FAF1: variants seen among roughly 807,000 people sequenced by gnomAD.
FAF1 encodes FAS-associated factor 1.
A neutral mutation model predicts 92.5 loss-of-function variants in FAF1; 25 were observed. That is an observed-to-expected ratio of 0.27 (90% confidence interval 0.20 to 0.38). The LOEUF (loss-of-function observed/expected upper bound fraction) is 0.38, where lower values mean the gene tolerates loss of function less well. FAF1 is among the 10% of genes least tolerant of loss of function. The pLI is 1.00. For synonymous variants in FAF1, 234 were observed against 273.2 expected, an observed-to-expected ratio of 0.86 and a Z score of 1.42; for missense variants, 636 against 793.3, an observed-to-expected ratio of 0.80 and a Z score of 2.38.
intron 2 of FAF1, among the ~76,000 whole-genome samples, chr1:50,826,405 C>G (rs1009153395): frequency 6.6e-6 from 1 of 152,068 alleles, no homozygotes; most frequent in Non-Finnish European, 1.5e-5. Context: ...CAAAAATTAG[C>G]TGGGCACAGT....
chr1:50,738,757 C>T, intron 6 of FAF1, 106 bp downstream of exon 6: 2 of 716,258 alleles, frequency 2.8e-6, no homozygotes, highest in Non-Finnish European at 4.7e-6. Context: ...AGGTCAATTT[C>T]AACAAGACTT....
At chr1:50,533,091 C>T (rs1648267220) in intron 15 of FAF1, among the ~76,000 whole-genome samples, 1 of 152,110 alleles carries the variant, frequency 6.6e-6, no homozygotes, top group Non-Finnish European at 1.5e-5. Context: ...GCTAGGATTA[C>T]AGGTGTGAGC....
chr1:50,584,963 T>G (rs1417641639), intron 9 of FAF1, 152 bp from the exon 10 acceptor site: 4 of 730,196 alleles, frequency 5.5e-6, no homozygotes, highest in Non-Finnish European at 8.6e-6. Context: ...TTTTTCCTTT[T>G]AAGGCTTACA....
intron 18 of FAF1, among the ~76,000 whole-genome samples, chr1:50,464,850 GT>G (rs1269655857): frequency 6.6e-6 from 1 of 152,178 alleles, no homozygotes; most frequent in Non-Finnish European, 1.5e-5. Context: ...CAGCTAACAG[GT>G]GGAAGTGCCA....
chr1:50,904,539 T>C (rs1644820105), intron 1 of FAF1, among the ~76,000 whole-genome samples: 2 of 152,340 alleles, frequency 1.3e-5, no homozygotes, highest in East Asian at 3.9e-4. Flanking sequence ...CTTCATTATG[T>C]ATGCATGTTT....
rs953804103 is a variant in FAF1 at position 50,784,350 on chromosome 1, T to C, written c.367+3650A>G. On this transcript the variant is annotated intron_variant, in intron 4 of 18. Coordinates refer to ENST00000396153, the MANE Select transcript of FAF1 (RefSeq NM_007051.3). ...TAATACAAAATTCATCAATCTTTTA[T>C]AAGATGCAAAATCAACACATAAAAA... Among the ~76,000 whole-genome samples, 9 of 152,250 alleles carry C rather than the reference T, an allele frequency of 5.9e-5. No homozygotes were observed. In the East Asian group the frequency reaches 1.5e-3, roughly 26 times the overall value.
chr1:50,806,707 G>C (rs1426510718), intron 2 of FAF1, among the ~76,000 whole-genome samples: 1 of 152,182 alleles, frequency 6.6e-6, no homozygotes, highest in African/African-American at 2.4e-5. Context: ...AGACAAGAAT[G>C]CCGGGGGCCT....
At chr1:50,564,582 G>A (rs932945939) in intron 13 of FAF1, among the ~76,000 whole-genome samples, 47 of 152,090 alleles carry the variant, frequency 3.1e-4, no homozygotes, top group African/African-American at 1.1e-3. Context: ...GAGAGTGAAA[G>A]CTTGAGGTTT....
chr1:50,570,109 G>A (rs1385929768), intron 12 of FAF1, among the ~76,000 whole-genome samples: 5 of 152,136 alleles, frequency 3.3e-5, no homozygotes, highest in Admixed American at 2.6e-4. Flanking sequence ...GGGCAAAGAT[G>A]TGTTTACTCA....
chr1:50,703,005 T>TAA (rs201118983), intron 7 of FAF1, among the ~76,000 whole-genome samples: 1 of 151,308 alleles, frequency 6.6e-6, no homozygotes, highest in East Asian at 1.9e-4. Flanking sequence ...TTTCAAAAAT[T>TAA]AAAAAAAATA....
At chr1:50,561,146 A>T (rs533809818) in intron 13 of FAF1, among the ~76,000 whole-genome samples, 20 of 152,142 alleles carry the variant, frequency 1.3e-4, no homozygotes, top group Non-Finnish European at 2.6e-4. Flanking sequence ...GAGGCCAATT[A>T]CTTCTGGGGT....
intron 3 of FAF1, among the ~76,000 whole-genome samples, chr1:50,791,701 T>C (rs1661570251): frequency 6.6e-6 from 1 of 152,226 alleles, no homozygotes; most frequent in African/African-American, 2.4e-5. Context: ...CATGATTCTG[T>C]TAACCCCTCT....
chr1:50,564,239 G>A (rs1373014580), intron 13 of FAF1, among the ~76,000 whole-genome samples: 1 of 141,320 alleles, frequency 7.1e-6, no homozygotes, highest in South Asian at 2.1e-4. Flanking sequence ...GGTAGTCCTA[G>A]GAAACCACTA....
chr1:50,745,904 CAAG>C (rs1214180781), intron 4 of FAF1, among the ~76,000 whole-genome samples: 1 of 151,880 alleles, frequency 6.6e-6, no homozygotes, highest in African/African-American at 2.4e-5. Context: ...GCTCAGAAGA[CAAG>C]AAGATGAGGG....
chr1:50,688,947 C>T (rs956049611), intron 7 of FAF1, among the ~76,000 whole-genome samples: 1 of 152,170 alleles, frequency 6.6e-6, no homozygotes, highest in African/African-American at 2.4e-5. Context: ...TATGATTCCA[C>T]TTTATGAAGT....
At chr1:50,714,018 G>A (rs1024169663) in intron 6 of FAF1, among the ~76,000 whole-genome samples, 9 of 150,908 alleles carry the variant, frequency 6.0e-5, no homozygotes, top group African/African-American at 1.9e-4. Context: ...TGATCCACCC[G>A]CCTCTGCCTC....
At chr1:50,613,021 G>C (rs546059514) in intron 8 of FAF1, among the ~76,000 whole-genome samples, 6 of 152,326 alleles carry the variant, frequency 3.9e-5, no homozygotes, top group Admixed American at 6.5e-5. Flanking sequence ...GGGGCTCTTA[G>C]TAGGTTGCTT....
At chr1:50,505,450 C>G (rs1647047899) in intron 15 of FAF1, among the ~76,000 whole-genome samples, 1 of 152,040 alleles carries the variant, frequency 6.6e-6, no homozygotes, top group South Asian at 2.1e-4. Context: ...GTGAGTGTAA[C>G]AAAGAGATGA....
chr1:50,466,618 A>G (rs1315457890), intron 18 of FAF1, among the ~76,000 whole-genome samples: 2 of 152,218 alleles, frequency 1.3e-5, no homozygotes, highest in Non-Finnish European at 2.9e-5. Context: ...AGGTAATGTA[A>G]ATCTGTAAAT....
Sources: allele counts gnomAD v4.1 joint callset (sites outside exome capture counted in the v4.1 genomes callset), GRCh38; gene constraint gnomAD v4.1.1; transcripts MANE v1.5; gene names NCBI Gene and HGNC (gene_info 2026-07-23, HGNC 2026-07-21).